Variants in SND1 observed in about 807,000 individuals in gnomAD.
The protein encoded by SND1 is staphylococcal nuclease domain-containing protein 1.
Under a neutral mutation model 121.7 loss-of-function variants are expected in SND1, and 38 were observed. That is an observed-to-expected ratio of 0.31 (90% CI 0.24 to 0.41). SND1 has a LOEUF of 0.41. Among genes scored for constraint, SND1 ranks in the 10% least tolerant of loss-of-function variants. The probability of loss-of-function intolerance (pLI) is 1.00; values close to 1 mark genes in which losing one functional copy is unlikely to be tolerated. For missense variants in SND1, 868 were observed against 1,184.6 expected, an observed-to-expected ratio of 0.73 and a Z score of 3.92; for synonymous variants, 401 against 447.4, an observed-to-expected ratio of 0.90 and a Z score of 1.31.
At chr7:127,851,089 A>C (rs1799157791) in intron 12 of SND1, among the ~76,000 whole-genome samples, 1 of 152,212 alleles carries the variant, frequency 6.6e-6, no homozygotes, top group African/African-American at 2.4e-5. Context: ...GTTTCAGATT[A>C]CTTTATTACC....
chr7:128,064,103 G>A (rs1448873792), intron 16 of SND1, among the ~76,000 whole-genome samples: 1 of 152,112 alleles, frequency 6.6e-6, no homozygotes, highest in Non-Finnish European at 1.5e-5. Flanking sequence ...CTCTCCTTAA[G>A]TGTTTAACTT....
rs544715509 is a variant in SND1, at chr7:127,980,536, G to C, written c.1670-10411G>C. ...TTAAGTCTTAATATTCCTGACACTA[G>C]CTGGTTTTTCCTCCTCATCCTACTG... On this transcript the variant is annotated intron_variant, in intron 15 of 23. Transcript: ENST00000354725. 1.3e-4 allele frequency among the ~76,000 whole-genome samples: 20 copies of C among 152,100 alleles called. No homozygotes were observed. The South Asian group carries it at 2.9e-3, about 22-fold the overall frequency.
intron 12 of SND1, among the ~76,000 whole-genome samples, chr7:127,856,047 A>G (rs975300733): frequency 2.0e-5 from 3 of 152,168 alleles, no homozygotes; most frequent in Admixed American, 2.0e-4. Flanking sequence ...CATGACGGCA[A>G]TTGCATTCAT....
chr7:128,069,095 A>G (rs1793364434), intron 16 of SND1, among the ~76,000 whole-genome samples: 1 of 152,218 alleles, frequency 6.6e-6, no homozygotes, highest in African/African-American at 2.4e-5. Context: ...CAGGTGGTAC[A>G]GGGACAGTCA....
At chr7:127,790,282 T>A (rs1360002516) in intron 10 of SND1, among the ~76,000 whole-genome samples, 1 of 152,034 alleles carries the variant, frequency 6.6e-6, no homozygotes, top group East Asian at 1.9e-4. Context: ...GAGGGAGTGG[T>A]GCTGTGTGGG....
At chr7:127,732,458 C>G (rs1432449042) in intron 10 of SND1, among the ~76,000 whole-genome samples, 9 of 152,300 alleles carry the variant, frequency 5.9e-5, no homozygotes, top group African/African-American at 2.2e-4. Context: ...ATGCCCTTGT[C>G]TTGTGTTGTT....
chr7:128,030,305 C>T (rs201760607), intron 16 of SND1: 22 of 1,614,160 alleles, frequency 1.4e-5, no homozygotes, highest in Non-Finnish European at 1.9e-5. Context: ...CCTCAATCTG[C>T]CGGATGGAGT....
rs114289583 is a variant in SND1 at position 128,088,161 on chromosome 7, T to C, written c.2418+1110T>C. On this transcript the variant is annotated intron_variant, in intron 21 of 23. Transcript: ENST00000354725. ...CAAAACACGTCGGTGAAGACAGACATGTGGAGTCAGGTGCAGTGGCTCACG... is the reference window on the plus strand; with the variant it reads ...CAAAACACGTCGGTGAAGACAGACACGTGGAGTCAGGTGCAGTGGCTCACG... Among the ~76,000 whole-genome samples the C allele has an allele frequency of 5.0e-3, 753 of 151,834 alleles. 14 individuals are homozygous for C. The highest frequency in any genetic ancestry group is 0.017 in the African/African-American group (723 of 41,374).
chr7:128,038,679 C>T (rs993148412), intron 16 of SND1, among the ~76,000 whole-genome samples: 1 of 145,308 alleles, frequency 6.9e-6, no homozygotes, highest in Admixed American at 6.9e-5. Flanking sequence ...TTAACAGTTA[C>T]TGGGTTGGGT....
At chr7:127,783,130 A>G (rs779997351) in intron 10 of SND1, among the ~76,000 whole-genome samples, 1 of 152,204 alleles carries the variant, frequency 6.6e-6, no homozygotes, top group Non-Finnish European at 1.5e-5. Flanking sequence ...TGAGGATTGC[A>G]TGAGTCACCT....
At chr7:127,866,247 G>A (rs1208621619) in intron 12 of SND1, among the ~76,000 whole-genome samples, 1 of 152,210 alleles carries the variant, frequency 6.6e-6, no homozygotes, top group East Asian at 1.9e-4. Context: ...CCATTAAAAT[G>A]TATCACCACT....
chr7:127,783,468 A>T (rs1797759622), intron 10 of SND1, among the ~76,000 whole-genome samples: 1 of 152,220 alleles, frequency 6.6e-6, no homozygotes, highest in South Asian at 2.1e-4. Context: ...GCTACAGCAG[A>T]TTCGTTTGAT....
intron 1 of SND1, among the ~76,000 whole-genome samples, chr7:127,667,347 A>C (rs1304175355): frequency 1.3e-5 from 2 of 152,228 alleles, no homozygotes; most frequent in Admixed American, 6.5e-5. Flanking sequence ...AGATATTTCA[A>C]GATCTCTGGT....
intron 13 of SND1, among the ~76,000 whole-genome samples, chr7:127,889,225 T>C (rs1273727219): frequency 6.6e-6 from 1 of 152,100 alleles, no homozygotes; most frequent in Non-Finnish European, 1.5e-5. Flanking sequence ...TAGTTCGTGA[T>C]TGGTGTTTTC....
At chr7:127,840,870 A>T (rs1798952126) in intron 11 of SND1, among the ~76,000 whole-genome samples, 1 of 152,238 alleles carries the variant, frequency 6.6e-6, no homozygotes, top group African/African-American at 2.4e-5. Context: ...TGTTGCATCC[A>T]CAAATAACTG....
chr7:127,976,154 A>G (rs1802115677), intron 15 of SND1, among the ~76,000 whole-genome samples: 1 of 152,158 alleles, frequency 6.6e-6, no homozygotes, highest in African/African-American at 2.4e-5. Context: ...TGGTCGGGGA[A>G]TGTGCTTTGT....
At chr7:127,941,912 TAA>T (rs71312837) in intron 15 of SND1, among the ~76,000 whole-genome samples, 44 of 134,108 alleles carry the variant, frequency 3.3e-4, no homozygotes, top group Middle Eastern at 3.9e-3. Flanking sequence ...TTTTTTTTTT[TAA>T]ATTTTCCAAG....
At chr7:127,701,851 T>C (rs1263081311) in intron 5 of SND1, among the ~76,000 whole-genome samples, 1 of 152,216 alleles carries the variant, frequency 6.6e-6, no homozygotes, top group Non-Finnish European at 1.5e-5. Context: ...ATACCTATTA[T>C]AGTGCCTATA....
chr7:127,961,116 A>G (rs1375727729), intron 15 of SND1, among the ~76,000 whole-genome samples: 5 of 152,226 alleles, frequency 3.3e-5, no homozygotes, highest in Non-Finnish European at 5.9e-5. Flanking sequence ...ATTCACTCGT[A>G]TGTGGGTCCA....
Sources: gnomAD v4.1 joint callset for allele counts (sites outside exome capture counted in the v4.1 genomes callset) on GRCh38, gnomAD v4.1.1 for gene constraint, MANE v1.5 for transcripts, NCBI Gene and HGNC (gene_info 2026-07-23, HGNC 2026-07-21) for gene names.